Variants in DSCAML1 observed in about 807,000 individuals in gnomAD.
The protein encoded by DSCAML1 is cell adhesion molecule DSCAML1.
Under a neutral mutation model 200.5 loss-of-function variants are expected in DSCAML1, and 38 were observed. The ratio of observed to expected loss-of-function variants is 0.19; its 90% CI spans 0.15 to 0.25. DSCAML1 has a LOEUF of 0.25. DSCAML1 is among the 10% of genes least tolerant of loss of function. The pLI, the probability that DSCAML1 is intolerant of heterozygous loss-of-function variation, is 1.00. For missense variants in DSCAML1, 2,223 were observed against 2,858.8 expected (o/e 0.78, Z 5.07); for synonymous variants, 1,215 against 1,165.0 (o/e 1.04, Z -0.87).
At chr11:117,588,338 C>A (rs547717273) in intron 3 of DSCAML1, among the ~76,000 whole-genome samples, 1 of 152,262 alleles carries the variant, frequency 6.6e-6, no homozygotes, top group East Asian at 1.9e-4. Context: ...CAGAGGAGTC[C>A]CCCTGCTCCT....
chr11:117,535,881 C>A (rs1019243046), intron 3 of DSCAML1, among the ~76,000 whole-genome samples: 23 of 121,154 alleles, frequency 1.9e-4, no homozygotes, highest in African/African-American at 7.0e-4. Context: ...CTTGGCCCTA[C>A]GAGGATTTTA....
intron 3 of DSCAML1, among the ~76,000 whole-genome samples, chr11:117,601,599 A>G (rs1177100152): frequency 6.6e-6 from 1 of 152,210 alleles, no homozygotes; most frequent in Non-Finnish European, 1.5e-5. Flanking sequence ...TTAAATGCAA[A>G]TACCCCTGAG....
At chr11:117,727,938 T>C (rs1487377678) in intron 3 of DSCAML1, among the ~76,000 whole-genome samples, 20 of 152,198 alleles carry the variant, frequency 1.3e-4, no homozygotes, top group Admixed American at 1.2e-3. Flanking sequence ...CCAAGGGAAG[T>C]AAGAAAGATT....
intron 3 of DSCAML1, among the ~76,000 whole-genome samples, chr11:117,719,927 A>T (rs1394372582): frequency 6.6e-6 from 1 of 152,218 alleles, no homozygotes; most frequent in East Asian, 1.9e-4. Flanking sequence ...AGGTCACAGG[A>T]AAAAGAGCTG....
intron 20 of DSCAML1, among the ~76,000 whole-genome samples, chr11:117,449,366 G>A (rs1395032521): frequency 6.6e-6 from 1 of 152,106 alleles, no homozygotes; most frequent in East Asian, 1.9e-4. Context: ...CGTGAGGATG[G>A]AGTGGGGGGC....
At chr11:117,807,077 C>A (rs1005837812) in intron 1 of DSCAML1, among the ~76,000 whole-genome samples, 9 of 152,230 alleles carry the variant, frequency 5.9e-5, no homozygotes, top group African/African-American at 2.2e-4. Flanking sequence ...GCACCCGCTT[C>A]CCCCAAGCCA....
At chr11:117,590,162 C>CT (rs1467126230) in intron 3 of DSCAML1, among the ~76,000 whole-genome samples, 4 of 152,076 alleles carry the variant, frequency 2.6e-5, no homozygotes, top group Non-Finnish European at 5.9e-5. Flanking sequence ...GGCTAGATCA[C>CT]TTTTTTTAAA....
At chr11:117,495,748 A>G (rs1316304353) in intron 11 of DSCAML1, among the ~76,000 whole-genome samples, 1 of 152,110 alleles carries the variant, frequency 6.6e-6, no homozygotes, top group Non-Finnish European at 1.5e-5. Flanking sequence ...TGGTGGGACC[A>G]TCATCCTCAT....
chr11:117,547,476 G>A (rs900638221), intron 3 of DSCAML1, among the ~76,000 whole-genome samples: 9 of 151,760 alleles, frequency 5.9e-5, no homozygotes, highest in Non-Finnish European at 1.0e-4. Context: ...CTGAAGGACC[G>A]CCCTACACCC....
At chr11:117,618,704 G>T (rs1183966823) in intron 3 of DSCAML1, among the ~76,000 whole-genome samples, 4 of 152,118 alleles carry the variant, frequency 2.6e-5, no homozygotes, top group African/African-American at 9.7e-5. Flanking sequence ...CAGGAAAATA[G>T]ATGCTTCTAT....
intron 3 of DSCAML1, among the ~76,000 whole-genome samples, chr11:117,567,809 TA>T (rs1404282092): frequency 2.6e-5 from 4 of 152,052 alleles, no homozygotes; most frequent in Non-Finnish European, 4.4e-5. Context: ...GAGGAACTGG[TA>T]CCATTCCTTC....
At position 117,780,822 on chromosome 11, in the gene DSCAML1, G is replaced by T. The variant is rs1197550762; in HGVS notation, c.47-12C>A. ...ATCTTCAGGGCGGGCTGCAGGAGAG[G>T]CAAGGGGAGAGACTTGGTTAGCATG... On this transcript the variant is annotated splice_polypyrimidine_tract_variant and intron_variant, in intron 1 of 32. Coordinates refer to ENST00000651296, the MANE Select transcript of DSCAML1 (RefSeq NM_020693.4). The surrounding 1 kb of genome is among the most constrained non-coding windows in gnomAD (Gnocchi z 4.8). The T allele has an allele frequency of 7.0e-7, 1 of 1,419,946 alleles. No individual in the cohort carries two copies. The highest frequency in any genetic ancestry group is 2.7e-5 in the East Asian group (1 of 37,512). 88.0% of individuals were successfully genotyped at this position (1,419,946 alleles called of 1,614,324 possible). A position where few individuals can be genotyped will look rare whatever the true frequency, so the allele number is the denominator to read the frequency against.
intron 3 of DSCAML1, among the ~76,000 whole-genome samples, chr11:117,753,833 G>A (rs1168210804): frequency 6.6e-6 from 1 of 152,180 alleles, no homozygotes; most frequent in Non-Finnish European, 1.5e-5. Context: ...TAGAGGCCCT[G>A]GTTCTAGTTC....
chr11:117,762,900 A>AATAATAATAATAATT (rs1434310169), intron 3 of DSCAML1, among the ~76,000 whole-genome samples: 1 of 149,598 alleles, frequency 6.7e-6, no homozygotes, highest in Non-Finnish European at 1.5e-5. Flanking sequence ...TAATAATAAT[A>AATAATAATAATAATT]ATTTAATATA....
At position 117,437,017 on chromosome 11, in the gene DSCAML1, T is replaced by G; in HGVS notation, c.4720+105A>C. On this transcript the variant is annotated intron_variant, in intron 26 of 32. Transcript: ENST00000651296. The surrounding 1 kb of genome is among the most constrained non-coding windows in gnomAD (Gnocchi z 5.3). ...CATTTCCCCCACCTGCATTCCTGCCTGTTTTTCTATTAGTCTGTCTCTTTA... is the reference window on the plus strand; with the variant it reads ...CATTTCCCCCACCTGCATTCCTGCCGGTTTTTCTATTAGTCTGTCTCTTTA... 2 of 1,443,772 alleles carry G rather than the reference T, an allele frequency of 1.4e-6. No homozygotes were observed. The highest frequency in any genetic ancestry group is 1.9e-6 in the Non-Finnish European group (2 of 1,079,296). 89.4% of individuals were successfully genotyped at this position (1,443,772 alleles called of 1,614,324 possible). A position where few individuals can be genotyped will look rare whatever the true frequency, so the allele number is the denominator to read the frequency against.
Position 117,507,138 on chromosome 11 carries a change from G to A in DSCAML1, c.1784-1406C>T, listed in dbSNP as rs145713475. Among the ~76,000 whole-genome samples the A allele has an allele frequency of 2.6e-5, 4 of 152,344 alleles. No homozygotes were observed. The East Asian group carries it at 5.8e-4, about 22-fold the overall frequency. On this transcript the variant is annotated intron_variant, in intron 8 of 32. Coordinates refer to ENST00000651296, the MANE Select transcript of DSCAML1 (RefSeq NM_020693.4). ...TATGATAACTCAATTAGGCTGCAGC[G>A]ACTTCCCCAGCAAGTGGGGCAGAAG...
At chr11:117,687,004 G>T (rs148693435) in intron 3 of DSCAML1, among the ~76,000 whole-genome samples, 120 of 152,292 alleles carry the variant, frequency 7.9e-4, no homozygotes, top group African/African-American at 2.7e-3. Context: ...GAATTTGCTG[G>T]CTGTGGGTAG....
chr11:117,451,091 T>C (rs2048273546), intron 19 of DSCAML1, among the ~76,000 whole-genome samples: 1 of 152,180 alleles, frequency 6.6e-6, no homozygotes, highest in African/African-American at 2.4e-5. Flanking sequence ...CACTTTCCTT[T>C]TTGGCCTGTG....
intron 3 of DSCAML1, among the ~76,000 whole-genome samples, chr11:117,760,051 G>A (rs1019477272): frequency 2.0e-5 from 3 of 152,050 alleles, no homozygotes; most frequent in African/African-American, 7.3e-5. Context: ...CCCAGACCTC[G>A]CTTTCACCAA....
Sources: allele counts gnomAD v4.1 joint callset (sites outside exome capture counted in the v4.1 genomes callset), GRCh38; gene constraint gnomAD v4.1.1; non-coding constraint Gnocchi (gnomAD v3.1); transcripts MANE v1.5; gene names NCBI Gene and HGNC (gene_info 2026-07-23, HGNC 2026-07-21).